Variants in EYA1 observed in about 807,000 individuals in gnomAD.
EYA1 encodes EYA transcriptional coactivator and phosphatase 1.
EYA1 carries 16 observed loss-of-function variants against 82.0 expected under a neutral mutation model. That is an observed-to-expected ratio of 0.20 (90% CI 0.13 to 0.30). The LOEUF (loss-of-function observed/expected upper bound fraction) is 0.30, where lower values mean the gene tolerates loss of function less well. Ranked by LOEUF, EYA1 falls within the 10% of genes least tolerant of loss-of-function variation. The pLI is 1.00. For missense variants in EYA1, 633 were observed against 730.7 expected (o/e 0.87, Z 1.54); for synonymous variants, 261 against 264.4 (o/e 0.99, Z 0.12).
chr8:71,201,237 AG>A (rs1806965762), intron 17 of EYA1, among the ~76,000 whole-genome samples: 2 of 150,632 alleles, frequency 1.3e-5, no homozygotes, highest in Admixed American at 1.3e-4. Flanking sequence ...TAAAAAAAAA[AG>A]AAAAAAAAAA....
At chr8:71,486,688 C>G (rs1169656921) in intron 2 of EYA1, among the ~76,000 whole-genome samples, 1 of 152,182 alleles carries the variant, frequency 6.6e-6, no homozygotes, top group Non-Finnish European at 1.5e-5. Flanking sequence ...AGGGGCAGAT[C>G]AGGAGTTCAG....
At chr8:71,320,747 T>G (rs1362566483) in intron 6 of EYA1, among the ~76,000 whole-genome samples, 1 of 152,198 alleles carries the variant, frequency 6.6e-6, no homozygotes, top group East Asian at 1.9e-4. Flanking sequence ...ATAAAGTAAT[T>G]TACCTTCTAA....
At chr8:71,281,814 T>C (rs1373608069) in intron 9 of EYA1, among the ~76,000 whole-genome samples, 1 of 152,232 alleles carries the variant, frequency 6.6e-6, no homozygotes, top group African/African-American at 2.4e-5. Flanking sequence ...GTCCTGCCTG[T>C]GGCTATCACA....
upstream of EYA1, among the ~76,000 whole-genome samples, chr8:71,363,119 T>G (rs1827533053): frequency 6.6e-6 from 1 of 152,066 alleles, no homozygotes; most frequent in South Asian, 2.1e-4. Context: ...AGAATACTAT[T>G]CTGCTGATTA....
At chr8:71,511,331 C>CA (rs1411380254) in intron 2 of EYA1, among the ~76,000 whole-genome samples, 1 of 152,044 alleles carries the variant, frequency 6.6e-6, no homozygotes, top group Non-Finnish European at 1.5e-5. Context: ...GTCCCTGATC[C>CA]AAAGGAAGCT....
At chr8:71,414,203 G>A (rs1830746634) in intron 2 of EYA1, among the ~76,000 whole-genome samples, 1 of 152,158 alleles carries the variant, frequency 6.6e-6, no homozygotes, top group Non-Finnish European at 1.5e-5. Flanking sequence ...CCTCAGATGA[G>A]GCTGTGCTTT....
At chr8:71,488,314 T>A (rs765710170) in intron 2 of EYA1, among the ~76,000 whole-genome samples, 2 of 151,658 alleles carry the variant, frequency 1.3e-5, no homozygotes, top group Non-Finnish European at 2.9e-5. Context: ...ATATAAAGGA[T>A]AATATAATAT....
At chr8:71,416,595 C>G (rs570352683) in intron 2 of EYA1, among the ~76,000 whole-genome samples, 1 of 152,276 alleles carries the variant, frequency 6.6e-6, no homozygotes, top group African/African-American at 2.4e-5. Context: ...AAAGGCCCTG[C>G]TCTGTGCAAT....
intron 7 of EYA1, among the ~76,000 whole-genome samples, chr8:71,308,659 T>A (rs1337533125): frequency 6.6e-6 from 1 of 151,762 alleles, no homozygotes; most frequent in Non-Finnish European, 1.5e-5. Flanking sequence ...GTTCTGTGTA[T>A]GATTTAACCT....
chr8:71,424,861 G>A (rs1206358312), intron 2 of EYA1, among the ~76,000 whole-genome samples: 1 of 152,014 alleles, frequency 6.6e-6, no homozygotes, highest in Non-Finnish European at 1.5e-5. Flanking sequence ...AGTAACATCA[G>A]GCTCCTAGTA....
intron 4 of EYA1, among the ~76,000 whole-genome samples, chr8:71,325,962 C>A (rs1823100178): frequency 6.6e-6 from 1 of 152,162 alleles, no homozygotes; most frequent in African/African-American, 2.4e-5. Context: ...GGACCAAAAT[C>A]ATCTAAAACA....
At chr8:71,359,787 C>G (rs1021008128) in intron 1 of EYA1, among the ~76,000 whole-genome samples, 2 of 151,958 alleles carry the variant, frequency 1.3e-5, no homozygotes, top group African/African-American at 4.8e-5. Flanking sequence ...CTGAGCTTAT[C>G]TAAATAAATA....
chr8:71,217,784 C>T (rs1425670230), intron 12 of EYA1, among the ~76,000 whole-genome samples: 1 of 152,122 alleles, frequency 6.6e-6, no homozygotes, highest in Non-Finnish European at 1.5e-5. Context: ...TTGAACAGAT[C>T]TTATTTTTAA....
intron 12 of EYA1, among the ~76,000 whole-genome samples, chr8:71,220,709 T>C (rs1563641422): frequency 6.6e-6 from 1 of 152,034 alleles, no homozygotes; most frequent in Non-Finnish European, 1.5e-5. Context: ...TAGTGGTAAG[T>C]GCTAAGGAAA....
chr8:71,497,632 C>T (rs1586833692), intron 2 of EYA1, among the ~76,000 whole-genome samples: 1 of 152,162 alleles, frequency 6.6e-6, no homozygotes, highest in East Asian at 1.9e-4. Flanking sequence ...GTGTAAATTA[C>T]TACAACCATT....
At chr8:71,516,999 A>G (rs1172023795) in intron 2 of EYA1, among the ~76,000 whole-genome samples, 1 of 152,118 alleles carries the variant, frequency 6.6e-6, no homozygotes, top group African/African-American at 2.4e-5. Context: ...CTACAAAGAA[A>G]CCTGGAATTG....
At chr8:71,248,663 C>G (rs905032015) in intron 11 of EYA1, among the ~76,000 whole-genome samples, 2 of 152,180 alleles carry the variant, frequency 1.3e-5, no homozygotes, top group Non-Finnish European at 1.5e-5. Flanking sequence ...AGCAGAAGGA[C>G]AGATAGATAA....
At chr8:71,529,663 G>C (rs940770076) in intron 2 of EYA1, 1 of 152,272 alleles carries the variant, frequency 6.6e-6, no homozygotes, top group African/African-American at 2.4e-5. Flanking sequence ...ACAGGATCAT[G>C]ATGCATCCAG....
At chr8:71,463,565 A>G (rs1310556566) in intron 2 of EYA1, among the ~76,000 whole-genome samples, 3 of 130,024 alleles carry the variant, frequency 2.3e-5, no homozygotes, top group Non-Finnish European at 4.8e-5. Flanking sequence ...TTTCTTAAGA[A>G]ATACATGCTT....
Sources: allele counts gnomAD v4.1 joint callset (sites outside exome capture counted in the v4.1 genomes callset), GRCh38; gene constraint gnomAD v4.1.1; transcripts MANE v1.5; gene names NCBI Gene and HGNC (gene_info 2026-07-23, HGNC 2026-07-21).